ERCC6: variants seen among roughly 807,000 people sequenced by gnomAD.
The protein encoded by ERCC6 is ERCC excision repair 6, chromatin remodeling factor, also known as DNA excision repair protein ERCC-6.
A neutral mutation model predicts 158.7 loss-of-function variants in ERCC6; 116 were observed. The observed-to-expected ratio is 0.73, with a 90% CI of 0.63 to 0.85. The LOEUF (loss-of-function observed/expected upper bound fraction) is 0.85. Ranked by LOEUF, ERCC6 falls within the 40% of genes least tolerant of loss-of-function variation. The pLI is 0.00. For missense variants in ERCC6, 1,698 were observed against 1,799.4 expected, an observed-to-expected ratio of 0.94 and a Z score of 1.02; for synonymous variants, 678 against 659.3, an observed-to-expected ratio of 1.03 and a Z score of -0.43.
chr10:49,470,154 C>G (rs375044889), intron 18 of ERCC6, 28 bp downstream of exon 18: 2 of 1,601,190 alleles, frequency 1.2e-6, no homozygotes, highest in African/African-American at 2.7e-5. Context: ...TCCTAGCATC[C>G]CTGTGGCAAA....
At chr10:49,467,195 T>C (rs568984944) in intron 18 of ERCC6, among the ~76,000 whole-genome samples, 2 of 152,360 alleles carry the variant, frequency 1.3e-5, no homozygotes, top group Admixed American at 6.5e-5. Flanking sequence ...CGAATATTCA[T>C]GTACAAGCCT....
intron 13 of ERCC6, 133 bp from the exon 14 acceptor site, chr10:49,473,720 A>G: frequency 2.7e-6 from 2 of 745,264 alleles, no homozygotes; most frequent in Non-Finnish European, 4.9e-6. Context: ...TAGGACAGAT[A>G]AACAGAACTG....
chr10:49,468,896 G>A (rs1850723297), intron 18 of ERCC6, among the ~76,000 whole-genome samples: 1 of 152,130 alleles, frequency 6.6e-6, no homozygotes, highest in Non-Finnish European at 1.5e-5. Flanking sequence ...AGGGACAAAG[G>A]AGCCAGCTTG....
chr10:49,532,130 A>T (rs547860991), intron 2 of ERCC6, among the ~76,000 whole-genome samples: 3 of 152,342 alleles, frequency 2.0e-5, no homozygotes, highest in African/African-American at 7.2e-5. Flanking sequence ...CCAAGGACTG[A>T]ACACTAAGTT....
At chr10:49,537,925 T>A (rs1356027675) in intron 1 of ERCC6, among the ~76,000 whole-genome samples, 1 of 152,218 alleles carries the variant, frequency 6.6e-6, no homozygotes, top group African/African-American at 2.4e-5. Flanking sequence ...TTTCACCACG[T>A]TGGTAAGGCT....
chr10:49,534,165 A>AAAG (rs1321344953), intron 1 of ERCC6, among the ~76,000 whole-genome samples: 13 of 139,238 alleles, frequency 9.3e-5, no homozygotes, highest in Admixed American at 3.8e-4. Flanking sequence ...CAAAAAAAAA[A>AAAG]CTCCATTTTA....
chr10:49,513,446 C>A (rs1043982292), intron 5 of ERCC6, among the ~76,000 whole-genome samples: 3 of 152,162 alleles, frequency 2.0e-5, no homozygotes, highest in Non-Finnish European at 2.9e-5. Flanking sequence ...TTCATTTAAT[C>A]TTTACAACCT....
intron 18 of ERCC6, among the ~76,000 whole-genome samples, chr10:49,468,492 GTCATTGTTT>G (rs1850716717): frequency 6.6e-6 from 1 of 152,180 alleles, no homozygotes; most frequent in African/African-American, 2.4e-5. Flanking sequence ...CATATGTTTT[GTCATTGTTT>G]TCATTGTTTC....
At chr10:49,440,684 G>A in the ERCC6 span, among the ~76,000 whole-genome samples, 1 of 152,182 alleles carries the variant, frequency 6.6e-6, no homozygotes, top group African/African-American at 2.4e-5. Context: ...ATTTAATTCT[G>A]CCTTCAAAAA....
chr10:49,492,219 T>C lies in ERCC6; in HGVS notation c.1821+898A>G, dbSNP rs4253139. 4.6e-3 allele frequency among the ~76,000 whole-genome samples: 698 copies of C among 152,256 alleles called. 5 individuals are homozygous for C. Among genetic ancestry groups the C allele is most frequent in the African/African-American group, 0.015 (633 of 41,554 alleles). On this transcript the variant is annotated intron_variant, in intron 8 of 20. Transcript: ENST00000355832. ...CAACAGGAATCCTGGAGTTTCGTGG[T>C]CCCCGTGCATCTGACTCCGTGAGGC...
chr10:49,472,567 C>T, intron 15 of ERCC6, 97 bp from the exon 16 acceptor site: 1 of 1,286,708 alleles, frequency 7.8e-7, no homozygotes, highest in East Asian at 2.3e-5. Flanking sequence ...CCTGTCACTC[C>T]CAGAGTTAGA....
At position 49,524,628 on chromosome 10, in the gene ERCC6, C is replaced by T; in HGVS notation, c.802G>A (p.Ala268Thr). ...GCCAAATACTTTTCGAAGCCTGATG[C>T]TTCATTAAGCATGATTTTTCTGGGC... ...KKPRKIMLNE[A>T]SGFEKYLADQ... is the part of the protein sequence containing the mutation. Residue 268 changes from alanine to threonine, a missense_variant, in exon 5 of 21, where the codon GCA becomes ACA. Physicochemically the swap from Ala to Thr is moderately conservative, Grantham distance 58 (BLOSUM62 0). Coordinates refer to ENST00000355832, the MANE Select transcript of ERCC6 (RefSeq NM_000124.4). 1.9e-6 allele frequency: 3 copies of T among 1,614,180 alleles called. No homozygotes were observed. Among genetic ancestry groups the T allele is most frequent in the Middle Eastern group, 1.6e-4 (1 of 6,062 alleles).
At position 49,482,809 on chromosome 10, in the gene ERCC6, G is replaced by T; in HGVS notation, c.2047C>A (p.Arg683=). Residue 683 remains arginine, a synonymous_variant, in exon 10 of 21, where the codon CGA becomes AGA. Transcript: ENST00000355832. ...AAGTCAAAGAGCGACCACAGCTCTCGGAGGTTATTTTGCATCGGTGAGCCA... is the reference window on the plus strand; with the variant it reads ...AAGTCAAAGAGCGACCACAGCTCTCTGAGGTTATTTTGCATCGGTGAGCCA... ...LSGSPMQNNL[R]ELWSLFDFIF... 6.2e-7 allele frequency: 1 copy of T among 1,614,058 alleles called. No homozygotes were observed. Among genetic ancestry groups the T allele is most frequent in the Non-Finnish European group, 8.5e-7 (1 of 1,179,998 alleles).
chr10:49,531,117 T>C (rs1416342420), intron 2 of ERCC6, among the ~76,000 whole-genome samples: 1 of 152,238 alleles, frequency 6.6e-6, no homozygotes, highest in African/African-American at 2.4e-5. Context: ...ATTATTTAAG[T>C]GCCTACTTTA....
chr10:49,527,787 G>A (rs1837375372), intron 4 of ERCC6, among the ~76,000 whole-genome samples: 1 of 152,180 alleles, frequency 6.6e-6, no homozygotes, highest in Non-Finnish European at 1.5e-5. Flanking sequence ...AGAATTTAAT[G>A]CTAAGCAGCT....
the ERCC6 span, among the ~76,000 whole-genome samples, chr10:49,447,842 C>T: frequency 6.6e-6 from 1 of 151,864 alleles, no homozygotes; most frequent in Non-Finnish European, 1.5e-5. Context: ...TATATGTTAT[C>T]TTCTGTGTCA....
the ERCC6 span, among the ~76,000 whole-genome samples, chr10:49,449,073 G>T: frequency 1.3e-5 from 2 of 152,312 alleles, no homozygotes; most frequent in East Asian, 3.9e-4. Flanking sequence ...TAAAGTGGCT[G>T]CACCATTTTA....
At chr10:49,522,757 A>G (rs1205800764) in intron 5 of ERCC6, among the ~76,000 whole-genome samples, 1 of 152,234 alleles carries the variant, frequency 6.6e-6, no homozygotes, top group Non-Finnish European at 1.5e-5. Context: ...AAAGTCTGAC[A>G]CCGCTCACTG....
chr10:49,473,437 A>G (rs781691729), intron 14 of ERCC6, 40 bp downstream of exon 14: 16 of 1,270,008 alleles, frequency 1.3e-5, no homozygotes, highest in Non-Finnish European at 1.7e-5. Context: ...CTCCACGTAC[A>G]GCAGCACCAC....
Sources: gnomAD v4.1 joint callset for allele counts (sites outside exome capture counted in the v4.1 genomes callset) on GRCh38, gnomAD v4.1.1 for gene constraint, MANE v1.5 for transcripts, NCBI Gene and HGNC (gene_info 2026-07-23, HGNC 2026-07-21) for gene names.